Variants in DYSF observed in about 807,000 individuals in gnomAD.
DYSF encodes dystrophy-associated fer-1-like 1.
In DYSF, 212 loss-of-function variants were observed where a neutral mutation model predicts 274.9. The ratio of observed to expected loss-of-function variants is 0.77; its 90% CI spans 0.69 to 0.86. The LOEUF (loss-of-function observed/expected upper bound fraction) is 0.86, where lower values mean the gene tolerates loss of function less well. Ranked by LOEUF, DYSF falls within the 40% of genes least tolerant of loss-of-function variation. The pLI is 0.00. For missense variants in DYSF, 2,666 were observed against 2,783.2 expected (o/e 0.96, Z 0.95); for synonymous variants, 1,091 against 1,078.7 (o/e 1.01, Z -0.22).
chr2:71,669,402 G>C (rs1193575990), intron 50 of DYSF, among the ~76,000 whole-genome samples, 195 bp downstream of exon 50: 1 of 152,140 alleles, frequency 6.6e-6, no homozygotes, highest in African/African-American at 2.4e-5. Flanking sequence ...CTGAACTTTG[G>C]GTTGAACTTA....
chr2:71,525,548 G>C (rs566429144), intron 12 of DYSF, among the ~76,000 whole-genome samples: 1 of 152,094 alleles, frequency 6.6e-6, no homozygotes, highest in Non-Finnish European at 1.5e-5. Context: ...CTAATGTGCC[G>C]CCAAGTTTGA....
intron 1 of DYSF, among the ~76,000 whole-genome samples, chr2:71,472,003 T>G (rs543099156): frequency 2.4e-3 from 371 of 152,198 alleles, no homozygotes; most frequent in African/African-American, 8.5e-3. Flanking sequence ...AAATCCAGGG[T>G]CATTTTTTAT....
In DYSF at chr2:71,611,281, A is replaced by C. The variant is rs1293876957; in HGVS notation, c.3994A>C (p.Arg1332=). The part of the protein sequence containing the change: ...DTDLPYPPPQ[R]EANIYMVPQN... Reference sequence around the variant, plus strand: ...AGACCTGCCCTACCCACCACCCCAGAGGGAGGCCAACATCTACATGGTTCC... The same window carrying C: ...AGACCTGCCCTACCCACCACCCCAGCGGGAGGCCAACATCTACATGGTTCC... The change falls in exon 37 of 56, where the codon AGG becomes CGG. Residue 1332 remains arginine, a synonymous_variant. Coordinates refer to ENST00000410020, the MANE Select transcript of DYSF (RefSeq NM_001130987.2). 2 of 1,613,982 alleles carry C rather than the reference A, an allele frequency of 1.2e-6. No individual in the cohort carries two copies.
rs750239527 is a variant in DYSF at position 71,581,246 on chromosome 2, G to A, written c.3402+6875G>A. Among the ~76,000 whole-genome samples, 4 of 152,228 alleles carry A rather than the reference G, an allele frequency of 2.6e-5. No homozygotes were observed. The South Asian group carries it at 6.2e-4, about 24-fold the overall frequency. ...CTCGCGCCAGCCCACACGTGGCATC[G>A]TGGATTCTCCAGGTTTCCTGATTCC... On this transcript the variant is annotated intron_variant, in intron 30 of 55. Transcript: ENST00000410020.
intron 9 of DYSF, among the ~76,000 whole-genome samples, chr2:71,516,494 G>C (rs1202075705): frequency 6.6e-6 from 1 of 152,228 alleles, no homozygotes; most frequent in Non-Finnish European, 1.5e-5. Flanking sequence ...CAACAGCTCA[G>C]CTGGCAGGCA....
intron 10 of DYSF, 60 bp downstream of exon 10, chr2:71,517,099 C>A: frequency 6.6e-7 from 1 of 1,515,964 alleles, no homozygotes; most frequent in Non-Finnish European, 9.2e-7. Context: ...GGTGGAGCCT[C>A]TGTGGACCAT....
intron 30 of DYSF, among the ~76,000 whole-genome samples, chr2:71,581,444 TG>T (rs1196152820): frequency 6.6e-6 from 1 of 152,250 alleles, no homozygotes; most frequent in African/African-American, 2.4e-5. Context: ...TGTTCCGTTC[TG>T]TCTTTTAAAG....
chr2:71,598,555 C>T lies in DYSF; in HGVS notation c.3575-9C>T, dbSNP rs2093462408. On this transcript the variant is annotated splice_polypyrimidine_tract_variant and intron_variant, in intron 32 of 55. Transcript: ENST00000410020. ...TCCTGTCTCCCCTCCCCCTCTCCGG[C>T]CCATGCAGATCCCTATGCCATCGTC... 6.2e-7 allele frequency: 1 copy of T among 1,614,056 alleles called. No homozygotes were observed. The highest frequency in any genetic ancestry group is 1.3e-5 in the African/African-American group (1 of 74,942).
intron 14 of DYSF, among the ~76,000 whole-genome samples, chr2:71,530,097 T>C (rs1047509941): frequency 3.3e-5 from 5 of 152,214 alleles, no homozygotes; most frequent in Non-Finnish European, 1.5e-5. Flanking sequence ...GATCCTCACC[T>C]GAGTGCAGGT....
intron 29 of DYSF, among the ~76,000 whole-genome samples, chr2:71,571,877 G>C (rs1166311218): frequency 4.7e-5 from 5 of 106,516 alleles, no homozygotes; most frequent in African/African-American, 7.5e-5. Flanking sequence ...ATCACACCCA[G>C]CACACACAGC....
chr2:71,660,669 G>T lies in DYSF; in HGVS notation c.5003+18G>T. On this transcript the variant is annotated intron_variant, in intron 45 of 55. Coordinates refer to ENST00000410020, the MANE Select transcript of DYSF (RefSeq NM_001130987.2). ...TTTGGAAAGTAAATTGGGGCATCTTGGGTCTTGGGGTGGAGGAGCCAGACA... is the reference window on the plus strand; with the variant it reads ...TTTGGAAAGTAAATTGGGGCATCTTTGGTCTTGGGGTGGAGGAGCCAGACA... The T allele has an allele frequency of 1.9e-6, 3 of 1,607,594 alleles. No individual in the cohort carries two copies. Among genetic ancestry groups the T allele is most frequent in the Non-Finnish European group, 2.6e-6 (3 of 1,174,208 alleles).
intron 43 of DYSF, among the ~76,000 whole-genome samples, chr2:71,656,595 C>T (rs1244702567): frequency 6.6e-6 from 1 of 152,140 alleles, no homozygotes; most frequent in Non-Finnish European, 1.5e-5. Context: ...GATAAAGACA[C>T]ATTCAAGACT....
At chr2:71,650,909 A>G (rs1444518093) in intron 42 of DYSF, among the ~76,000 whole-genome samples, 1 of 152,228 alleles carries the variant, frequency 6.6e-6, no homozygotes, top group Admixed American at 6.5e-5. Context: ...TTAAGAAATT[A>G]TGTTAATTAC....
chr2:71,492,316 C>T (rs943698430), intron 3 of DYSF, among the ~76,000 whole-genome samples: 4 of 152,160 alleles, frequency 2.6e-5, no homozygotes, highest in African/African-American at 9.7e-5. Flanking sequence ...GCCTGGCACG[C>T]ATAGCGGAGA....
At chr2:71,493,176 A>G (rs1041011523) in intron 3 of DYSF, among the ~76,000 whole-genome samples, 5 of 152,316 alleles carry the variant, frequency 3.3e-5, no homozygotes, top group African/African-American at 1.2e-4. Context: ...GGAGGGAGCT[A>G]CAGCACCTGG....
upstream of DYSF, among the ~76,000 whole-genome samples, chr2:71,463,263 G>A (rs117284790): frequency 1.9e-4 from 29 of 152,344 alleles, no homozygotes; most frequent in East Asian, 5.2e-3. Flanking sequence ...TGGCTGGGTT[G>A]CAACAGCATG....
chr2:71,534,132 C>A (rs978675431), intron 14 of DYSF, among the ~76,000 whole-genome samples: 8 of 152,196 alleles, frequency 5.3e-5, no homozygotes, highest in Admixed American at 4.6e-4. Flanking sequence ...ACATCATCCT[C>A]ACCCCTGGGG....
intron 41 of DYSF, among the ~76,000 whole-genome samples, chr2:71,622,698 C>A (rs1256444065): frequency 6.6e-6 from 1 of 152,182 alleles, no homozygotes; most frequent in Non-Finnish European, 1.5e-5. Flanking sequence ...TCACTGCAAC[C>A]TCTGCCTCCT....
chr2:71,508,260 AGT>A (rs1168646302), intron 4 of DYSF, among the ~76,000 whole-genome samples: 1 of 152,168 alleles, frequency 6.6e-6, no homozygotes, highest in East Asian at 1.9e-4. Flanking sequence ...TCTGAACTCG[AGT>A]GTGTGTTCTC....
Sources: gnomAD v4.1 joint callset for allele counts (sites outside exome capture counted in the v4.1 genomes callset) on GRCh38, gnomAD v4.1.1 for gene constraint, MANE v1.5 for transcripts, NCBI Gene and HGNC (gene_info 2026-07-23, HGNC 2026-07-21) for gene names.